The following WWOX variants were observed in gnomAD, a reference collection of about 807,000 sequenced individuals.
WWOX encodes WW domain-containing oxidoreductase.
WWOX carries 69 observed loss-of-function variants against 46.2 expected under a neutral mutation model. That is an observed-to-expected ratio of 1.49 (90% CI 1.23 to 1.82). The LOEUF (loss-of-function observed/expected upper bound fraction) is 1.82, where lower values mean the gene tolerates loss of function less well. Among genes scored for constraint, WWOX ranks in the 40% most tolerant of loss-of-function variants. The pLI, the probability that WWOX is intolerant of heterozygous loss-of-function variation, is 0.00. For missense variants in WWOX, 919 were observed against 542.6 expected (o/e 1.69, Z -6.89); for synonymous variants, 359 against 202.6 (o/e 1.77, Z -6.56).
intron 8 of WWOX, among the ~76,000 whole-genome samples, chr16:79,057,553 T>C (rs2048285763): frequency 6.7e-6 from 1 of 149,204 alleles, no homozygotes; most frequent in Non-Finnish European, 1.5e-5. Context: ...CCATTTTAAC[T>C]CTCTCATTGC....
chr16:78,352,000 C>G (rs1040577239), intron 5 of WWOX, among the ~76,000 whole-genome samples: 4 of 152,100 alleles, frequency 2.6e-5, no homozygotes, highest in African/African-American at 9.7e-5. Flanking sequence ...GTCAAACACT[C>G]AAATGTTTGG....
intron 8 of WWOX, among the ~76,000 whole-genome samples, chr16:78,469,564 CTT>C (rs1278494911): frequency 6.6e-6 from 1 of 152,066 alleles, no homozygotes; most frequent in East Asian, 1.9e-4. Context: ...TGCAGAAGGG[CTT>C]TTGGATAAAA....
intron 8 of WWOX, among the ~76,000 whole-genome samples, chr16:78,570,876 G>T (rs1377111341): frequency 6.6e-6 from 1 of 152,202 alleles, no homozygotes; most frequent in East Asian, 1.9e-4. Context: ...GGCAGGTAAG[G>T]ACAGGGTTTC....
rs74977047 is a variant in WWOX, at chr16:78,203,031, C to T, written c.516+38742C>T. On this transcript the variant is annotated intron_variant, in intron 5 of 8. Coordinates refer to ENST00000566780, the MANE Select transcript of WWOX (RefSeq NM_016373.4). ...AGTAAAGGGAATAGAATTAGGCTGT[C>T]TGGATTATAGTGGGAAAACAAAACA... Among the ~76,000 whole-genome samples, 682 of 152,242 alleles carry T rather than the reference C, an allele frequency of 4.5e-3. 22 individuals carry two copies. In the East Asian group the frequency reaches 0.085, roughly 19 times the overall value.
intron 8 of WWOX, among the ~76,000 whole-genome samples, chr16:78,764,119 G>T (rs764163817): frequency 6.6e-6 from 1 of 152,130 alleles, no homozygotes; most frequent in African/African-American, 2.4e-5. Flanking sequence ...GATAAAAATC[G>T]TGTCACCACT....
intron 5 of WWOX, among the ~76,000 whole-genome samples, chr16:78,282,398 A>T (rs1246119163): frequency 6.6e-6 from 1 of 152,120 alleles, no homozygotes; most frequent in Non-Finnish European, 1.5e-5. Context: ...GTCTCTTACT[A>T]GTGGTCAGCA....
At chr16:78,843,640 C>G (rs557127058) in intron 8 of WWOX, among the ~76,000 whole-genome samples, 4 of 152,018 alleles carry the variant, frequency 2.6e-5, no homozygotes, top group Admixed American at 6.6e-5. Flanking sequence ...GTGAGCAAAT[C>G]ACACTCATCG....
intron 5 of WWOX, among the ~76,000 whole-genome samples, chr16:78,193,132 C>G (rs1384543039): frequency 6.6e-6 from 1 of 152,200 alleles, no homozygotes; most frequent in Non-Finnish European, 1.5e-5. Flanking sequence ...TCTGTTCATA[C>G]ATTGTTGTAC....
At chr16:78,998,806 A>C (rs2047039259) in intron 8 of WWOX, among the ~76,000 whole-genome samples, 1 of 152,206 alleles carries the variant, frequency 6.6e-6, no homozygotes, top group African/African-American at 2.4e-5. Context: ...CTTGACCTTC[A>C]GGTGCATCTC....
intron 8 of WWOX, among the ~76,000 whole-genome samples, chr16:78,497,755 T>A (rs2084951324): frequency 6.6e-6 from 1 of 152,150 alleles, no homozygotes; most frequent in African/African-American, 2.4e-5. Flanking sequence ...GGACAGTGGT[T>A]GGGTCTGGAG....
At chr16:78,452,494 T>G (rs1363001993) in intron 8 of WWOX, among the ~76,000 whole-genome samples, 1 of 146,882 alleles carries the variant, frequency 6.8e-6, no homozygotes, top group Admixed American at 6.7e-5. Context: ...TTTTTTTTTT[T>G]GAGACGGAGT....
At position 78,272,223 on chromosome 16, in the gene WWOX, T is replaced by G. The variant is rs554231923; in HGVS notation, c.516+107934T>G. On this transcript the variant is annotated intron_variant, in intron 5 of 8. Transcript: ENST00000566780. Reference sequence around the variant, plus strand: ...CAGTCAGTGGTGCTATGCTGGAGGATGAATTGGACTGGCACTTCAGCTGGT... The same window carrying G: ...CAGTCAGTGGTGCTATGCTGGAGGAGGAATTGGACTGGCACTTCAGCTGGT... 2.0e-5 allele frequency among the ~76,000 whole-genome samples: 3 copies of G among 152,258 alleles called. No individual in the cohort carries two copies. The East Asian group carries it at 5.8e-4, about 29-fold the overall frequency.
At chr16:78,239,737 G>A (rs1440344923) in intron 5 of WWOX, among the ~76,000 whole-genome samples, 1 of 151,956 alleles carries the variant, frequency 6.6e-6, no homozygotes, top group Admixed American at 6.6e-5. Flanking sequence ...GGTTTCACTT[G>A]TTGGCCAGGC....
intron 8 of WWOX, among the ~76,000 whole-genome samples, chr16:78,601,642 A>G (rs2045625908): frequency 6.6e-6 from 1 of 152,230 alleles, no homozygotes; most frequent in African/African-American, 2.4e-5. Flanking sequence ...GAAGCTATGA[A>G]TACCATAATA....
chr16:78,273,617 A>G (rs1567472027), intron 5 of WWOX, among the ~76,000 whole-genome samples: 1 of 152,174 alleles, frequency 6.6e-6, no homozygotes, highest in Non-Finnish European at 1.5e-5. Flanking sequence ...AAACAACTCT[A>G]GTCACCCAGG....
chr16:78,360,367 C>G (rs1397174168), intron 5 of WWOX, among the ~76,000 whole-genome samples: 1 of 152,098 alleles, frequency 6.6e-6, no homozygotes, highest in East Asian at 1.9e-4. Context: ...GGGCTGATCC[C>G]TTGAGGCCAG....
chr16:78,244,379 C>T (rs1026279783), intron 5 of WWOX, among the ~76,000 whole-genome samples: 2 of 107,334 alleles, frequency 1.9e-5, no homozygotes, highest in African/African-American at 9.2e-5. Context: ...TCCTTGCAAT[C>T]TGTATGACTC....
chr16:78,911,852 C>G (rs1007198048), intron 8 of WWOX, among the ~76,000 whole-genome samples: 3 of 152,144 alleles, frequency 2.0e-5, no homozygotes, highest in East Asian at 1.9e-4. Context: ...GGTGACAGAG[C>G]AGGACTCCAT....
In WWOX at chr16:78,321,177, T is replaced by A. The variant is rs150103915; in HGVS notation, c.517-65683T>A. ...AATGTATAGGCCTTAATTGAAAATG[T>A]ATCTTTCTGGAACAGGAGTTTTAGA... On this transcript the variant is annotated intron_variant, in intron 5 of 8. Coordinates refer to ENST00000566780, the MANE Select transcript of WWOX (RefSeq NM_016373.4). Among the ~76,000 whole-genome samples the A allele has an allele frequency of 2.6e-5, 4 of 152,000 alleles. No individual in the cohort carries two copies. The East Asian group carries it at 7.7e-4, about 29-fold the overall frequency.
Sources: gnomAD v4.1 joint callset for allele counts (sites outside exome capture counted in the v4.1 genomes callset) on GRCh38, gnomAD v4.1.1 for gene constraint, MANE v1.5 for transcripts, NCBI Gene and HGNC (gene_info 2026-07-23, HGNC 2026-07-21) for gene names.